The following SNX30 variants were observed in gnomAD, a reference collection of about 807,000 sequenced individuals.
SNX30 encodes the protein sorting nexin family member 30, also known as sorting nexin-30.
In SNX30, 24 loss-of-function variants were observed where a neutral mutation model predicts 46.4. That is an observed-to-expected ratio of 0.52 (90% CI 0.37 to 0.73). The LOEUF (loss-of-function observed/expected upper bound fraction) is 0.73, where lower values mean the gene tolerates loss of function less well. SNX30 is among the 30% of genes least tolerant of loss of function. The pLI is 0.00. For synonymous variants in SNX30, 189 were observed against 211.5 expected (o/e 0.89, Z 0.92); for missense variants, 533 against 555.7 (o/e 0.96, Z 0.41).
Position 112,830,783 on chromosome 9 carries a change from T to C in SNX30, c.518T>C (p.Val173Ala). The C allele has an allele frequency of 6.2e-7, 1 of 1,614,128 alleles. No individual in the cohort carries two copies. The highest frequency in any genetic ancestry group is 2.2e-5 in the East Asian group (1 of 44,876). The change falls in exon 4 of 9, where the codon GTG becomes GCG. Residue 173 changes from valine to alanine, a missense_variant. This residue lies in a region of SNX30 where 81 missense variants were observed against 124.4 expected (regional missense o/e 0.65). Coordinates refer to ENST00000374232, the MANE Select transcript of SNX30 (RefSeq NM_001012994.2). ...GTGGATCGTTTTTCAGAAGAGTTTG[T>C]GGAGACCAGAAGAAAAGCTTTGGAT... Reference protein sequence around the residue: ...GVVDRFSEEFVETRRKALDKF... With the variant: ...GVVDRFSEEFAETRRKALDKF...
intron 7 of SNX30, among the ~76,000 whole-genome samples, 196 bp downstream of exon 7, chr9:112,851,141 C>T (rs1401208898): frequency 6.6e-6 from 1 of 152,224 alleles, no homozygotes; most frequent in Non-Finnish European, 1.5e-5. Context: ...GAGTTTTCCA[C>T]TGTTTCCTGG....
chr9:112,865,286 G>A (rs1358202786), intron 8 of SNX30, among the ~76,000 whole-genome samples: 2 of 151,706 alleles, frequency 1.3e-5, no homozygotes, highest in African/African-American at 4.9e-5. Flanking sequence ...TCAGGCTACA[G>A]CCCAGTCCCC....
intron 4 of SNX30, among the ~76,000 whole-genome samples, chr9:112,833,711 A>G (rs545300530): frequency 1.3e-5 from 2 of 152,330 alleles, no homozygotes; most frequent in East Asian, 3.9e-4. Flanking sequence ...TGTGCAGTCC[A>G]GCGAGCCCAT....
intron 1 of SNX30, among the ~76,000 whole-genome samples, chr9:112,787,686 C>G (rs1248462358): frequency 6.6e-6 from 1 of 151,860 alleles, no homozygotes; most frequent in Non-Finnish European, 1.5e-5. Context: ...TTTGCATGTG[C>G]ACATGCAAAT....
intron 4 of SNX30, among the ~76,000 whole-genome samples, chr9:112,832,459 AGT>A (rs34515014): frequency 0.25 from 26,724 of 107,818 alleles, 4,379 homozygotes; most frequent in East Asian, 0.44. Flanking sequence ...AGAGAGAGAG[AGT>A]GTGTGTGTGT....
At chr9:112,772,498 GGTACTCGT>G (rs1300926853) in intron 1 of SNX30, among the ~76,000 whole-genome samples, 1 of 152,162 alleles carries the variant, frequency 6.6e-6, no homozygotes, top group Non-Finnish European at 1.5e-5. Flanking sequence ...GTGGGGCTGT[GGTACTCGT>G]GTGTGCGTGT....
intron 1 of SNX30, among the ~76,000 whole-genome samples, chr9:112,760,846 G>T (rs1283588639): frequency 6.6e-6 from 1 of 152,192 alleles, no homozygotes; most frequent in South Asian, 2.1e-4. Flanking sequence ...ACTAGCTGGG[G>T]GTATGTCTGC....
chr9:112,786,404 A>G (rs544560663), intron 1 of SNX30, among the ~76,000 whole-genome samples: 5 of 152,012 alleles, frequency 3.3e-5, no homozygotes, highest in Non-Finnish European at 5.9e-5. Context: ...TATGGGCCTG[A>G]GCCACCCTGC....
chr9:112,759,466 A>G (rs1296510570), intron 1 of SNX30, among the ~76,000 whole-genome samples: 2 of 152,134 alleles, frequency 1.3e-5, no homozygotes, highest in Non-Finnish European at 2.9e-5. Context: ...ATGGTGGCTC[A>G]CGCTTGTAAT....
intron 8 of SNX30, among the ~76,000 whole-genome samples, chr9:112,867,308 TCCC>T (rs1243981470): frequency 6.7e-5 from 10 of 149,396 alleles, no homozygotes; most frequent in African/African-American, 2.5e-4. Context: ...TCAGAACTCC[TCCC>T]ACCTCCTCAG....
At chr9:112,884,575 C>T (rs188140221), downstream of SNX30, among the ~76,000 whole-genome samples, 12 of 151,298 alleles carry the variant, frequency 7.9e-5, no homozygotes, top group African/African-American at 2.7e-4. Flanking sequence ...CAGGCTGCAC[C>T]GCAGATTAAT....
At chr9:112,836,593 G>A (rs115386410) in intron 5 of SNX30, among the ~76,000 whole-genome samples, 184 bp downstream of exon 5, 1,818 of 152,326 alleles carry the variant, frequency 0.012, 35 homozygotes, top group African/African-American at 0.041. Context: ...TTTGCACCCC[G>A]TCCTTTGTCC....
chr9:112,815,123 A>G (rs1290409271), intron 2 of SNX30, among the ~76,000 whole-genome samples: 1 of 151,798 alleles, frequency 6.6e-6, no homozygotes, highest in African/African-American at 2.4e-5. Flanking sequence ...TTTATTTTCT[A>G]TTTATTTTTC....
intron 1 of SNX30, among the ~76,000 whole-genome samples, chr9:112,763,360 CTTTTTTTTTTTTTTT>C (rs751720343): frequency 7.1e-4 from 34 of 47,592 alleles, no homozygotes; most frequent in African/African-American, 3.1e-3. Context: ...GCTATTTAAA[CTTTTTTTTTTTTTTT>C]TTTTTTTTTT....
At chr9:112,834,843 A>ACACAC (rs1840723275) in intron 4 of SNX30, among the ~76,000 whole-genome samples, 3 of 78,318 alleles carry the variant, frequency 3.8e-5, no homozygotes, top group African/African-American at 4.7e-5. Flanking sequence ...CACACACACA[A>ACACAC]ACACACACAC....
At chr9:112,750,264 C>A (rs748116554), upstream of SNX30, 29 of 152,370 alleles carry the variant, frequency 1.9e-4, no homozygotes, top group African/African-American at 5.3e-4. Context: ...TCTTTGAAGT[C>A]CCTTCCAGGT....
At chr9:112,820,268 G>T (rs1448799896) in intron 3 of SNX30, among the ~76,000 whole-genome samples, 2 of 18,524 alleles carry the variant, frequency 1.1e-4, no homozygotes, top group East Asian at 0.042. Context: ...TGCATATCTG[G>T]AGTGGAGATT....
Position 112,861,700 on chromosome 9 carries a change from G to A in SNX30, c.1102-2547G>A, listed in dbSNP as rs1472778113. On this transcript the variant is annotated intron_variant, in intron 7 of 8. Transcript: ENST00000374232. The stretch of plus-strand genomic sequence containing the variant: ...GCAGTTCCCTCTCCGTGCCGCTGTG[G>A]GCCCTGTGGCCTGTGCACAATTCCT... Among the ~76,000 whole-genome samples the A allele has an allele frequency of 1.1e-4, 16 of 152,304 alleles. No individual in the cohort carries two copies. In the East Asian group the frequency reaches 2.9e-3, roughly 28 times the overall value.
chr9:112,766,656 T>C (rs1214426405), intron 1 of SNX30, among the ~76,000 whole-genome samples: 1 of 152,242 alleles, frequency 6.6e-6, no homozygotes, highest in Non-Finnish European at 1.5e-5. Flanking sequence ...ACCTTTCCAC[T>C]TTGTTTCTAT....
Sources: gnomAD v4.1 joint callset for allele counts (sites outside exome capture counted in the v4.1 genomes callset) on GRCh38, gnomAD v4.1.1 for gene constraint, gnomAD v4.1.1 regional missense constraint, MANE v1.5 for transcripts, NCBI Gene and HGNC (gene_info 2026-07-23, HGNC 2026-07-21) for gene names.